The following PIEZO2 variants were observed in gnomAD, a reference collection of about 807,000 sequenced individuals.
The protein encoded by PIEZO2 is piezo type mechanosensitive ion channel component 2, also known as piezo-type mechanosensitive ion channel component 2.
A neutral mutation model predicts 337.3 loss-of-function variants in PIEZO2; 172 were observed. The observed-to-expected ratio is 0.51, with a 90% confidence interval of 0.45 to 0.58. PIEZO2 has a LOEUF of 0.58. Ranked by LOEUF, PIEZO2 falls within the 20% of genes least tolerant of loss-of-function variation. The probability of loss-of-function intolerance (pLI) is 0.00; values close to 1 mark genes in which losing one functional copy is unlikely to be tolerated. For synonymous variants in PIEZO2, 1,251 were observed against 1,228.5 expected (o/e 1.02, Z -0.38); for missense variants, 3,028 against 3,391.3 (o/e 0.89, Z 2.66).
intron 1 of PIEZO2, among the ~76,000 whole-genome samples, chr18:11,144,577 G>A (rs948763717): frequency 2.0e-5 from 3 of 152,140 alleles, no homozygotes; most frequent in African/African-American, 7.2e-5. Context: ...TGATTAGATA[G>A]CCATATCTAA....
At chr18:10,868,974 G>C (rs2042073926) in intron 5 of PIEZO2, among the ~76,000 whole-genome samples, 1 of 152,154 alleles carries the variant, frequency 6.6e-6, no homozygotes, top group Non-Finnish European at 1.5e-5. Flanking sequence ...TTCTTTTACT[G>C]AGTGGGTTGG....
At position 10,861,895 on chromosome 18, in the gene PIEZO2, G is replaced by A. The variant is rs913199726; in HGVS notation, c.493-4684C>T. The stretch of plus-strand genomic sequence containing the variant: ...TAGCTGGGCATGGTGGCGCACGCCT[G>A]TAATCCCAGCTACTCAGGAAGCTGA... On this transcript the variant is annotated intron_variant, in intron 5 of 55. Transcript: ENST00000674853. The surrounding 1 kb of genome is among the most constrained non-coding windows in gnomAD (Gnocchi z 4.3). Among the ~76,000 whole-genome samples the A allele has an allele frequency of 3.3e-5, 5 of 152,002 alleles. No homozygotes were observed. The highest frequency in any genetic ancestry group is 4.8e-5 in the African/African-American group (2 of 41,398).
At chr18:10,827,959 A>G (rs1338659814) in intron 7 of PIEZO2, among the ~76,000 whole-genome samples, 1 of 152,210 alleles carries the variant, frequency 6.6e-6, no homozygotes, top group Non-Finnish European at 1.5e-5. Flanking sequence ...TGTGCAAAAC[A>G]TAAAAAAACT....
chr18:11,008,667 ATATC>A (rs2145643446), intron 2 of PIEZO2, among the ~76,000 whole-genome samples: 2 of 152,292 alleles, frequency 1.3e-5, no homozygotes, highest in African/African-American at 4.8e-5. Flanking sequence ...CATCTTCTGC[ATATC>A]TATTTATCAT....
rs1437464187 is a variant in PIEZO2 at position 11,021,676 on chromosome 18, T to G, written c.161-42016A>C. 6.6e-6 allele frequency among the ~76,000 whole-genome samples: 1 copy of G among 152,214 alleles called. No individual in the cohort carries two copies. The highest frequency in any genetic ancestry group is 2.4e-5 in the African/African-American group (1 of 41,456). On this transcript the variant is annotated intron_variant, in intron 2 of 55. Transcript: ENST00000674853. This position sits in a 1 kb window ranked among gnomAD's most constrained non-coding sequence, Gnocchi z 4.7. ...CACACAGCTCGTGCTGTAACTGCACTGATGGAATGAATGAGAAAACCACGT... is the reference window on the plus strand; with the variant it reads ...CACACAGCTCGTGCTGTAACTGCACGGATGGAATGAATGAGAAAACCACGT...
At position 10,993,549 on chromosome 18, in the gene PIEZO2, C is replaced by A. The variant is rs143600949; in HGVS notation, c.161-13889G>T. ...TGTTGTTGTTGTTGTTGTTTTGAGG[C>A]GGAGTCTCGCTCTGTGGCCCAGGCT... is the stretch of plus-strand genomic sequence containing the variant. On this transcript the variant is annotated intron_variant, in intron 2 of 55. Transcript: ENST00000674853. The surrounding 1 kb of genome is among the most constrained non-coding windows in gnomAD (Gnocchi z 5.0). Among the ~76,000 whole-genome samples, 1 of 151,788 alleles carries A rather than the reference C, an allele frequency of 6.6e-6. No homozygotes were observed. The highest frequency in any genetic ancestry group is 2.4e-5 in the African/African-American group (1 of 41,222).
intron 1 of PIEZO2, among the ~76,000 whole-genome samples, chr18:11,088,901 T>C (rs1256785636): frequency 6.6e-6 from 1 of 152,174 alleles, no homozygotes; most frequent in East Asian, 1.9e-4. Flanking sequence ...TGACTGAGAC[T>C]GGGGATGAAG....
rs1173983973 is a variant in PIEZO2, at chr18:11,132,287, C to T, written c.64+16238G>A. On this transcript the variant is annotated intron_variant, in intron 1 of 55. Transcript: ENST00000674853. This position sits in a 1 kb window ranked among gnomAD's most constrained non-coding sequence, Gnocchi z 4.7. ...GCATTGCCTCTGACCAAGGCACTCA[C>T]TTTATGGTGAAAGAAGTGTGGCAGC... is the stretch of plus-strand genomic sequence containing the variant. Among the ~76,000 whole-genome samples, 1 of 152,214 alleles carries T rather than the reference C, an allele frequency of 6.6e-6. No homozygotes were observed. The highest frequency in any genetic ancestry group is 1.9e-4 in the East Asian group (1 of 5,196).
At chr18:10,770,841 C>T (rs1371419954) in intron 20 of PIEZO2, among the ~76,000 whole-genome samples, 1 of 149,044 alleles carries the variant, frequency 6.7e-6, no homozygotes, top group East Asian at 2.0e-4. Context: ...CTCTTGAGTT[C>T]AAGCGATTCT....
intron 3 of PIEZO2, among the ~76,000 whole-genome samples, chr18:10,941,880 T>C (rs2032742696): frequency 6.6e-6 from 1 of 152,166 alleles, no homozygotes; most frequent in African/African-American, 2.4e-5. Flanking sequence ...TTCCCACATG[T>C]TGTGGGAGGG....
Position 10,726,899 on chromosome 18 carries a change from G to T in PIEZO2, c.5029+4508C>A. The T allele has an allele frequency of 1.3e-6, 2 of 1,587,864 alleles. No individual in the cohort carries two copies. The highest frequency in any genetic ancestry group is 1.1e-5 in the South Asian group (1 of 87,478). Reference sequence around the variant, plus strand: ...CTGAAGCACATCATGGCCACCAACCGGCTGGATGTGGCGGAGCTGGGTCGC... The same window carrying T: ...CTGAAGCACATCATGGCCACCAACCTGCTGGATGTGGCGGAGCTGGGTCGC... On this transcript the variant is annotated intron_variant, in intron 36 of 55. Transcript: ENST00000674853. The surrounding 1 kb of genome is among the most constrained non-coding windows in gnomAD (Gnocchi z 5.9).
intron 2 of PIEZO2, among the ~76,000 whole-genome samples, chr18:11,046,465 G>T (rs143044210): frequency 6.6e-6 from 1 of 152,336 alleles, no homozygotes; most frequent in African/African-American, 2.4e-5. Context: ...CTCACCTACT[G>T]CACAGTCAGC....
intron 3 of PIEZO2, among the ~76,000 whole-genome samples, chr18:10,924,491 T>C (rs2031608025): frequency 6.6e-6 from 1 of 152,184 alleles, no homozygotes; most frequent in African/African-American, 2.4e-5. Flanking sequence ...ATAAATGCAA[T>C]GTCGGGGATT....
chr18:10,913,670 T>C (rs972548910), intron 3 of PIEZO2, among the ~76,000 whole-genome samples: 5 of 152,232 alleles, frequency 3.3e-5, no homozygotes, highest in East Asian at 1.9e-4. Flanking sequence ...ATAAGTCCCA[T>C]CTTCCTACTT....
At chr18:10,805,772 C>A (rs569856592) in intron 8 of PIEZO2, among the ~76,000 whole-genome samples, 1 of 152,214 alleles carries the variant, frequency 6.6e-6, no homozygotes, top group African/African-American at 2.4e-5. Context: ...ACCCTGCTAA[C>A]AAGGATGGCC....
chr18:10,725,107 C>A, intron 36 of PIEZO2: 1 of 1,485,846 alleles, frequency 6.7e-7, no homozygotes, highest in Non-Finnish European at 9.4e-7. Context: ...CACCTACAAT[C>A]CACAGTTCGA....
intron 4 of PIEZO2, among the ~76,000 whole-genome samples, chr18:10,882,442 T>C (rs955889047): frequency 1.3e-5 from 2 of 152,186 alleles, no homozygotes; most frequent in Non-Finnish European, 2.9e-5. Flanking sequence ...AAAAACAACA[T>C]TTGGGAATTG....
At chr18:10,967,635 T>C (rs1025391683) in intron 3 of PIEZO2, among the ~76,000 whole-genome samples, 20 of 152,210 alleles carry the variant, frequency 1.3e-4, no homozygotes, top group African/African-American at 4.8e-4. Flanking sequence ...ATGGCCATTG[T>C]TGTAGGACTG....
intron 4 of PIEZO2, among the ~76,000 whole-genome samples, chr18:10,897,381 A>T (rs929192283): frequency 4.6e-5 from 7 of 151,988 alleles, no homozygotes; most frequent in African/African-American, 1.7e-4. Flanking sequence ...TAGAGACGGG[A>T]TTTCACCATG....
Sources: allele counts gnomAD v4.1 joint callset (sites outside exome capture counted in the v4.1 genomes callset), GRCh38; gene constraint gnomAD v4.1.1; non-coding constraint Gnocchi (gnomAD v3.1); transcripts MANE v1.5; gene names NCBI Gene and HGNC (gene_info 2026-07-23, HGNC 2026-07-21).